BNC2: variants seen among roughly 807,000 people sequenced by gnomAD.
BNC2 encodes zinc finger protein basonuclin-2.
BNC2 carries 20 observed loss-of-function variants against 76.3 expected under a neutral mutation model. The observed-to-expected ratio is 0.26, with a 90% CI of 0.18 to 0.38. The LOEUF is 0.38. BNC2 is among the 10% of genes least tolerant of loss of function. BNC2 has a pLI of 1.00. For synonymous variants in BNC2, 582 were observed against 514.8 expected (o/e 1.13, Z -1.77); for missense variants, 1,382 against 1,399.8 (o/e 0.99, Z 0.20).
At chr9:16,529,808 C>T (rs970115453) in intron 5 of BNC2, among the ~76,000 whole-genome samples, 5 of 152,020 alleles carry the variant, frequency 3.3e-5, no homozygotes, top group South Asian at 2.1e-4. Flanking sequence ...ATCCCCAAAC[C>T]GAAATCTATG....
chr9:16,625,249 C>G (rs1330779317), intron 3 of BNC2, among the ~76,000 whole-genome samples: 1 of 152,106 alleles, frequency 6.6e-6, no homozygotes, highest in Non-Finnish European at 1.5e-5. Flanking sequence ...GTCCTTAAAC[C>G]AGACCCGATC....
At chr9:16,626,853 G>A (rs924345902) in intron 3 of BNC2, among the ~76,000 whole-genome samples, 1 of 152,118 alleles carries the variant, frequency 6.6e-6, no homozygotes, top group South Asian at 2.1e-4. Context: ...CTGTGACCCA[G>A]CAGTGAGCCA....
intron 3 of BNC2, among the ~76,000 whole-genome samples, chr9:16,640,075 T>C (rs1205669045): frequency 1.3e-5 from 2 of 151,276 alleles, no homozygotes; most frequent in South Asian, 2.1e-4. Context: ...AACGTAGTAA[T>C]ACAAATCTCT....
At chr9:16,759,354 G>T (rs1825486017) in intron 1 of BNC2, among the ~76,000 whole-genome samples, 1 of 152,160 alleles carries the variant, frequency 6.6e-6, no homozygotes, top group Admixed American at 6.5e-5. Context: ...ATAGATATTA[G>T]AGAGGACTTT....
intron 3 of BNC2, among the ~76,000 whole-genome samples, chr9:16,593,852 A>G (rs1306069868): frequency 2.0e-5 from 3 of 152,112 alleles, no homozygotes; most frequent in Non-Finnish European, 4.4e-5. Flanking sequence ...AACTCAGTCT[A>G]TATTTACCAG....
chr9:16,571,337 A>G (rs1434735675), intron 4 of BNC2, among the ~76,000 whole-genome samples: 1 of 152,166 alleles, frequency 6.6e-6, no homozygotes, highest in African/African-American at 2.4e-5. Context: ...AAGATTTTGT[A>G]AGAGAGAAAA....
At chr9:16,580,208 G>A in intron 4 of BNC2, 1 of 398,430 alleles carries the variant, frequency 2.5e-6, no homozygotes, top group South Asian at 1.3e-4. Flanking sequence ...AAGAGTGGGT[G>A]CTGTCATCCC....
At chr9:16,675,938 G>A (rs1015079165) in intron 3 of BNC2, among the ~76,000 whole-genome samples, 3 of 151,972 alleles carry the variant, frequency 2.0e-5, no homozygotes, top group Admixed American at 1.3e-4. Context: ...GGTGGTGCAC[G>A]CCTGTAATCC....
intron 4 of BNC2, among the ~76,000 whole-genome samples, chr9:16,560,435 G>A (rs926246256): frequency 4.6e-5 from 7 of 152,166 alleles, no homozygotes; most frequent in Non-Finnish European, 8.8e-5. Flanking sequence ...AAAATGGGTA[G>A]GTGTGGTGGT....
chr9:16,421,259 T>A (rs769874788), intron 6 of BNC2: 3 of 1,299,998 alleles, frequency 2.3e-6, no homozygotes, highest in Non-Finnish European at 3.0e-6. Flanking sequence ...AGGCTGAGCT[T>A]ACCTTGTGAC....
At chr9:16,564,181 G>A (rs568168897) in intron 4 of BNC2, among the ~76,000 whole-genome samples, 3 of 152,228 alleles carry the variant, frequency 2.0e-5, no homozygotes, top group Admixed American at 6.5e-5. Context: ...AGTCTCTAGG[G>A]CCAGAGTCTA....
rs1354694721 is a variant in BNC2 at position 16,748,018 on chromosome 9, A to G, written c.4-9533T>C. On this transcript the variant is annotated intron_variant, in intron 1 of 6. Coordinates refer to ENST00000380672, the MANE Select transcript of BNC2 (RefSeq NM_017637.6). ...ATTAAGTAGTCATTAAGAAGAATGG[A>G]AAAAAAAACTGTAAATACAGATAAA... Among the ~76,000 whole-genome samples, 9 of 3,782 alleles carry G rather than the reference A, an allele frequency of 2.4e-3. 1 individual carries two copies. In the South Asian group the frequency reaches 0.038, roughly 16 times the overall value. The allele number at this position is 3,782 out of a possible 152,430, so 2.5% of individuals were successfully genotyped here. A position where few individuals can be genotyped will look rare whatever the true frequency, so the allele number is the denominator to read the frequency against.
At chr9:16,801,336 C>G (rs1024881375) in intron 1 of BNC2, among the ~76,000 whole-genome samples, 1 of 152,102 alleles carries the variant, frequency 6.6e-6, no homozygotes, top group Non-Finnish European at 1.5e-5. Flanking sequence ...ACCTCTGCCC[C>G]CTGGGTTCAA....
intron 5 of BNC2, among the ~76,000 whole-genome samples, chr9:16,517,391 T>G (rs1817473920): frequency 6.6e-6 from 1 of 152,236 alleles, no homozygotes; most frequent in Admixed American, 6.5e-5. Flanking sequence ...CTGCAATATT[T>G]GCCTTACAGT....
intron 3 of BNC2, among the ~76,000 whole-genome samples, chr9:16,675,694 C>T (rs1236138946): frequency 2.0e-5 from 3 of 152,156 alleles, no homozygotes; most frequent in South Asian, 2.1e-4. Context: ...TTACTAACTA[C>T]GTGATTTTGG....
At chr9:16,516,618 A>C (rs1017359692) in intron 5 of BNC2, among the ~76,000 whole-genome samples, 22 of 152,140 alleles carry the variant, frequency 1.4e-4, no homozygotes, top group Non-Finnish European at 2.9e-4. Context: ...AAATATACAA[A>C]CAAGCACACA....
At chr9:16,444,892 A>C (rs1294955356) in intron 5 of BNC2, among the ~76,000 whole-genome samples, 1 of 152,212 alleles carries the variant, frequency 6.6e-6, no homozygotes, top group Non-Finnish European at 1.5e-5. Context: ...ACCCTCAGTC[A>C]AAAAGTTTAA....
intron 1 of BNC2, among the ~76,000 whole-genome samples, chr9:16,851,419 T>C (rs1008992620): frequency 2.6e-5 from 4 of 152,012 alleles, no homozygotes; most frequent in African/African-American, 4.8e-5. Flanking sequence ...GGCAGTAGGA[T>C]TGCTGGAGCC....
intron 5 of BNC2, among the ~76,000 whole-genome samples, chr9:16,537,626 T>C (rs939722050): frequency 4.0e-5 from 6 of 150,202 alleles, no homozygotes; most frequent in Admixed American, 2.0e-4. Context: ...AGAAGGTAGA[T>C]GTATCTTTCA....
Sources: allele counts gnomAD v4.1 joint callset (sites outside exome capture counted in the v4.1 genomes callset), GRCh38; gene constraint gnomAD v4.1.1; transcripts MANE v1.5; gene names NCBI Gene and HGNC (gene_info 2026-07-23, HGNC 2026-07-21).